The following CSMD1 variants were observed in gnomAD, a reference collection of about 807,000 sequenced individuals.
CSMD1 encodes CUB and Sushi multiple domains 1, also known as CUB and sushi domain-containing protein 1.
A neutral mutation model predicts 417.5 loss-of-function variants in CSMD1; 213 were observed. The observed-to-expected ratio is 0.51, with a 90% CI of 0.46 to 0.57. The LOEUF is 0.57. Among genes scored for constraint, CSMD1 ranks in the 20% least tolerant of loss-of-function variants. CSMD1 has a pLI of 0.00. For missense variants in CSMD1, 6,923 were observed against 4,529.7 expected (o/e 1.53, Z -15.17); for synonymous variants, 2,862 against 1,736.8 (o/e 1.65, Z -16.11).
At chr8:3,914,746 G>C (rs778399401) in intron 5 of CSMD1, among the ~76,000 whole-genome samples, 1 of 151,516 alleles carries the variant, frequency 6.6e-6, no homozygotes, top group Non-Finnish European at 1.5e-5. Flanking sequence ...CCTTTGACAT[G>C]TATCTGTCTT....
rs189654846 is a variant in CSMD1 at position 3,092,244 on chromosome 8, A to G, written c.7139-582T>C. On this transcript the variant is annotated intron_variant, in intron 47 of 69. Transcript: ENST00000635120. ...TTCCATGAAAAAGAATTAGATTCAT[A>G]CAGCATTAAAATTAACAAACTAGAT... Among the ~76,000 whole-genome samples the G allele has an allele frequency of 3.4e-3, 514 of 152,302 alleles. 1 individual carries two copies. The highest frequency in any genetic ancestry group is 0.011 in the African/African-American group (470 of 41,566).
At chr8:3,566,618 G>A (rs1385002381) in intron 10 of CSMD1, among the ~76,000 whole-genome samples, 3 of 151,778 alleles carry the variant, frequency 2.0e-5, no homozygotes, top group Non-Finnish European at 2.9e-5. Flanking sequence ...AGTGGGCAAA[G>A]ATATGAACAG....
intron 36 of CSMD1, among the ~76,000 whole-genome samples, chr8:3,186,212 A>G (rs1216319595): frequency 6.6e-6 from 1 of 152,134 alleles, no homozygotes; most frequent in African/African-American, 2.4e-5. Context: ...CTTATCTTGT[A>G]TTCCTAACAA....
chr8:3,879,836 CGTGTGTGT>C (rs55713446), intron 5 of CSMD1, among the ~76,000 whole-genome samples: 1 of 150,530 alleles, frequency 6.6e-6, no homozygotes, highest in Admixed American at 6.6e-5. Context: ...TGTGCGTGTG[CGTGTGTGT>C]GTGTGTGTGT....
At chr8:4,221,910 T>C (rs563916338) in intron 3 of CSMD1, among the ~76,000 whole-genome samples, 4 of 152,126 alleles carry the variant, frequency 2.6e-5, no homozygotes, top group Admixed American at 2.0e-4. Context: ...CCAGAGAAAA[T>C]GCCTAGAGAA....
At chr8:3,161,624 G>GA (rs10644122) in intron 38 of CSMD1, among the ~76,000 whole-genome samples, 10,721 of 58,074 alleles carry the variant, frequency 0.18, 537 homozygotes, top group Non-Finnish European at 0.22. Context: ...CTCCCTCTCA[G>GA]AAAAAAAAAA....
chr8:4,273,412 G>A (rs899743178), intron 3 of CSMD1, among the ~76,000 whole-genome samples: 1 of 152,100 alleles, frequency 6.6e-6, no homozygotes, highest in Non-Finnish European at 1.5e-5. Context: ...GTGCAACCCT[G>A]CTCAGGTCAA....
At chr8:4,426,906 A>C (rs1797591927) in intron 2 of CSMD1, among the ~76,000 whole-genome samples, 1 of 151,828 alleles carries the variant, frequency 6.6e-6, no homozygotes, top group Admixed American at 6.6e-5. Context: ...CAGGTGTTTC[A>C]GCTTTTTATT....
intron 1 of CSMD1, among the ~76,000 whole-genome samples, chr8:4,763,308 C>T (rs749764309): frequency 1.3e-5 from 2 of 152,130 alleles, no homozygotes; most frequent in Non-Finnish European, 2.9e-5. Context: ...TAACTCTTTC[C>T]CTCCTGAATG....
Position 3,947,389 on chromosome 8 carries a change from T to A in CSMD1, c.818+50514A>T, listed in dbSNP as rs572395015. On this transcript the variant is annotated intron_variant, in intron 5 of 69. Coordinates refer to ENST00000635120, the MANE Select transcript of CSMD1 (RefSeq NM_033225.6). ...TTCCTGAAAGTGACCCCAGTGGTCA[T>A]GACGTGCTATCCTTTTTATAAATCA... 3.3e-4 allele frequency among the ~76,000 whole-genome samples: 50 copies of A among 152,326 alleles called. 1 individual carries two copies. The Middle Eastern group carries it at 0.014, about 41-fold the overall frequency.
At chr8:4,151,459 C>T (rs1326426703) in intron 3 of CSMD1, among the ~76,000 whole-genome samples, 1 of 152,148 alleles carries the variant, frequency 6.6e-6, no homozygotes. Flanking sequence ...GATATTGAAT[C>T]ACCCATATCT....
At chr8:4,399,366 A>T (rs1804490720) in intron 3 of CSMD1, among the ~76,000 whole-genome samples, 1 of 152,224 alleles carries the variant, frequency 6.6e-6, no homozygotes, top group African/African-American at 2.4e-5. Flanking sequence ...TTACAGAATA[A>T]AATAATTAGA....
chr8:4,824,273 A>G (rs1799686592), intron 1 of CSMD1, among the ~76,000 whole-genome samples: 2 of 152,116 alleles, frequency 1.3e-5, no homozygotes, highest in Admixed American at 1.3e-4. Flanking sequence ...TACATGAAAT[A>G]CACAAGTTTT....
At chr8:3,308,063 C>G (rs1030559020) in intron 24 of CSMD1, among the ~76,000 whole-genome samples, 3 of 51,216 alleles carry the variant, frequency 5.9e-5, no homozygotes, top group Non-Finnish European at 1.1e-4. Context: ...TGTGATAATT[C>G]TAATAATATG....
chr8:3,826,346 G>C (rs563533049), intron 5 of CSMD1, among the ~76,000 whole-genome samples: 29 of 152,166 alleles, frequency 1.9e-4, no homozygotes, highest in African/African-American at 6.5e-4. Flanking sequence ...AGAATGTTTG[G>C]GTTTGAAAAT....
chr8:3,320,413 G>T (rs961389287), intron 23 of CSMD1, among the ~76,000 whole-genome samples: 1 of 152,048 alleles, frequency 6.6e-6, no homozygotes, highest in Non-Finnish European at 1.5e-5. Flanking sequence ...AAAACTAAAG[G>T]ATTTATGAAA....
chr8:3,854,050 ATATG>A (rs1804116813), intron 5 of CSMD1, among the ~76,000 whole-genome samples: 1 of 146,060 alleles, frequency 6.8e-6, no homozygotes, highest in Non-Finnish European at 1.5e-5. Flanking sequence ...ATACTAAAGT[ATATG>A]TATATTATAT....
chr8:4,021,889 GA>G (rs943514558), intron 4 of CSMD1, among the ~76,000 whole-genome samples: 67 of 152,006 alleles, frequency 4.4e-4, no homozygotes, highest in Non-Finnish European at 7.1e-4. Context: ...AGCTTGTAAG[GA>G]AAACAAACTA....
At chr8:4,280,964 G>A (rs557900540) in intron 3 of CSMD1, among the ~76,000 whole-genome samples, 1 of 152,248 alleles carries the variant, frequency 6.6e-6, no homozygotes, top group East Asian at 1.9e-4. Context: ...ACACTTGAAA[G>A]TTTCCCAGTA....
Sources: gnomAD v4.1 joint callset for allele counts (sites outside exome capture counted in the v4.1 genomes callset) on GRCh38, gnomAD v4.1.1 for gene constraint, MANE v1.5 for transcripts, NCBI Gene and HGNC (gene_info 2026-07-23, HGNC 2026-07-21) for gene names.